Variants in CCSER2 observed in about 807,000 individuals in gnomAD.
CCSER2 encodes serine-rich coiled-coil domain-containing protein 2.
In CCSER2, 46 loss-of-function variants were observed where a neutral mutation model predicts 92.3. That is an observed-to-expected ratio of 0.50 (90% CI 0.39 to 0.64). The LOEUF is 0.64. Among genes scored for constraint, CCSER2 ranks in the 30% least tolerant of loss-of-function variants. The probability of loss-of-function intolerance (pLI) is 0.00; values close to 1 mark genes in which losing one functional copy is unlikely to be tolerated. For missense variants in CCSER2, 1,244 were observed against 1,238.9 expected (o/e 1.00, Z -0.06); for synonymous variants, 433 against 431.4 (o/e 1.00, Z -0.04).
intron 3 of CCSER2, among the ~76,000 whole-genome samples, chr10:84,409,960 A>G (rs1025869999): frequency 1.1e-4 from 16 of 152,008 alleles, no homozygotes; most frequent in Middle Eastern, 3.2e-3. Context: ...GTTCCCTGCA[A>G]TGTGTCCATG....
intron 1 of CCSER2, among the ~76,000 whole-genome samples, chr10:84,367,318 G>A (rs1194555461): frequency 6.8e-6 from 1 of 148,054 alleles, no homozygotes; most frequent in African/African-American, 2.5e-5. Context: ...TTATCTTTCT[G>A]TTCAGCCTTT....
intron 9 of CCSER2, among the ~76,000 whole-genome samples, chr10:84,480,463 T>C (rs1182066766): frequency 6.6e-6 from 1 of 152,170 alleles, no homozygotes; most frequent in East Asian, 1.9e-4. Context: ...TTTTGACATA[T>C]TAAATTATGT....
chr10:84,464,873 GC>G (rs1846299942), intron 7 of CCSER2, among the ~76,000 whole-genome samples: 1 of 152,136 alleles, frequency 6.6e-6, no homozygotes, highest in East Asian at 1.9e-4. Context: ...AAGGGGCCAG[GC>G]CTGGAATTAA....
chr10:84,391,736 C>G (rs763172870), intron 3 of CCSER2: 1 of 1,495,900 alleles, frequency 6.7e-7, no homozygotes, highest in Non-Finnish European at 9.3e-7. Context: ...AGAGGTGGCC[C>G]CCATGCTACA....
chr10:84,504,651 T>C (rs1848950814), intron 9 of CCSER2, among the ~76,000 whole-genome samples: 1 of 152,212 alleles, frequency 6.6e-6, no homozygotes, highest in Non-Finnish European at 1.5e-5. Flanking sequence ...AGGAAACTCT[T>C]ATGTATATTT....
intron 1 of CCSER2, among the ~76,000 whole-genome samples, chr10:84,336,345 A>C (rs553160911): frequency 1.3e-5 from 2 of 152,364 alleles, no homozygotes; most frequent in East Asian, 3.9e-4. Context: ...GACAAGATAC[A>C]GAAAATAAGT....
chr10:84,509,753 GAT>G (rs1374256460), intron 9 of CCSER2, among the ~76,000 whole-genome samples: 1 of 152,184 alleles, frequency 6.6e-6, no homozygotes, highest in Non-Finnish European at 1.5e-5. Flanking sequence ...GAGTAGTTAA[GAT>G]ATGAGATCTT....
intron 8 of CCSER2, among the ~76,000 whole-genome samples, chr10:84,475,750 C>T (rs977716214): frequency 2.0e-5 from 3 of 152,094 alleles, no homozygotes; most frequent in Admixed American, 1.3e-4. Flanking sequence ...CTTTTCTGTT[C>T]CTCATATACC....
intron 9 of CCSER2, among the ~76,000 whole-genome samples, chr10:84,486,927 A>C (rs1220750130): frequency 1.3e-5 from 2 of 151,972 alleles, no homozygotes; most frequent in African/African-American, 4.8e-5. Context: ...TGTATAAGGT[A>C]TAAGGAAGGG....
At chr10:84,461,629 A>G (rs1460229486) in intron 6 of CCSER2, among the ~76,000 whole-genome samples, 1 of 151,528 alleles carries the variant, frequency 6.6e-6, no homozygotes, top group Non-Finnish European at 1.5e-5. Context: ...TTCAGGTCTA[A>G]AATCTCCATT....
Position 84,514,525 on chromosome 10 carries a change from C to A in CCSER2, c.*258C>A, listed in dbSNP as rs966621183. On this transcript the variant is annotated 3_prime_UTR_variant, in exon 10 of 10. Transcript: ENST00000372088. ...TCAGAGGCCTGCCAAAGGCCCAAATCATGTTATCCATCCCTCTCCACGTCA... is the reference window on the plus strand; with the variant it reads ...TCAGAGGCCTGCCAAAGGCCCAAATAATGTTATCCATCCCTCTCCACGTCA... 4.2e-6 allele frequency: 2 copies of A among 474,328 alleles called. No individual in the cohort carries two copies. The highest frequency in any genetic ancestry group is 2.0e-5 in the African/African-American group (1 of 50,556). The allele number at this position is 474,328 out of a possible 1,614,324, so 29.4% of individuals were successfully genotyped here.
chr10:84,341,564 G>A (rs950403191), intron 1 of CCSER2, among the ~76,000 whole-genome samples: 17 of 152,006 alleles, frequency 1.1e-4, no homozygotes, highest in African/African-American at 4.1e-4. Context: ...AGACTCCAGT[G>A]AAGAACAGCT....
chr10:84,395,134 C>T (rs888149485), intron 3 of CCSER2, among the ~76,000 whole-genome samples: 5 of 149,472 alleles, frequency 3.3e-5, no homozygotes, highest in African/African-American at 9.9e-5. Flanking sequence ...TGAGGTGGGA[C>T]GATCACTTGA....
At chr10:84,429,328 A>G (rs918893760) in intron 5 of CCSER2, among the ~76,000 whole-genome samples, 11 of 152,100 alleles carry the variant, frequency 7.2e-5, no homozygotes, top group Non-Finnish European at 1.0e-4. Context: ...TCTGCTTCTC[A>G]TATATCTCTA....
intron 9 of CCSER2, 123 bp from the exon 10 acceptor site, chr10:84,513,326 A>C: frequency 1.4e-6 from 1 of 740,556 alleles, no homozygotes; most frequent in South Asian, 2.1e-5. Context: ...TAATTAAAAG[A>C]AACTCCACAT....
chr10:84,454,087 C>A (rs1845456650), intron 6 of CCSER2, among the ~76,000 whole-genome samples: 1 of 152,096 alleles, frequency 6.6e-6, no homozygotes, highest in African/African-American at 2.4e-5. Context: ...GGCTAGAAAT[C>A]CAAAACCAAG....
intron 6 of CCSER2, among the ~76,000 whole-genome samples, chr10:84,461,978 A>G (rs1012809812): frequency 4.6e-5 from 7 of 152,308 alleles, no homozygotes; most frequent in African/African-American, 1.7e-4. Flanking sequence ...AGGTACAGCT[A>G]GCTGTCTTGA....
At chr10:84,452,189 T>A (rs998497121) in intron 6 of CCSER2, 1 of 152,180 alleles carries the variant, frequency 6.6e-6, no homozygotes, top group Non-Finnish European at 1.5e-5. Flanking sequence ...TTAGTAGGGA[T>A]TTGTCAGTGC....
At chr10:84,466,343 C>T (rs1846427870) in intron 7 of CCSER2, among the ~76,000 whole-genome samples, 1 of 152,134 alleles carries the variant, frequency 6.6e-6, no homozygotes, top group South Asian at 2.1e-4. Flanking sequence ...TATTTAATCT[C>T]AGGACAGATC....
Sources: allele counts gnomAD v4.1 joint callset (sites outside exome capture counted in the v4.1 genomes callset), GRCh38; gene constraint gnomAD v4.1.1; transcripts MANE v1.5; gene names NCBI Gene and HGNC (gene_info 2026-07-23, HGNC 2026-07-21).